Variants in TSPAN5 observed in about 807,000 individuals in gnomAD.
TSPAN5 encodes the protein tetraspanin 5.
TSPAN5 carries 10 observed loss-of-function variants against 37.1 expected under a neutral mutation model. That is an observed-to-expected ratio of 0.27 (90% CI 0.17 to 0.46). The LOEUF is 0.46. TSPAN5 is among the 20% of genes least tolerant of loss of function. The pLI is 1.00. For missense variants in TSPAN5, 195 were observed against 326.6 expected (o/e 0.60, Z 3.11); for synonymous variants, 110 against 118.9 (o/e 0.93, Z 0.48).
intron 1 of TSPAN5, among the ~76,000 whole-genome samples, chr4:98,538,285 G>T (rs1198128638): frequency 6.6e-6 from 1 of 152,224 alleles, no homozygotes; most frequent in Non-Finnish European, 1.5e-5. Flanking sequence ...TGTTCTGCCT[G>T]CTCCTCACTC....
rs111575981 is a variant in TSPAN5, at chr4:98,480,541, T to C, written c.450+1464A>G. ...TTCTCTGAGTTAAATAAATATCAAGTCTCAACCATTTGAAGACCTTCCGGA... is the reference window on the plus strand; with the variant it reads ...TTCTCTGAGTTAAATAAATATCAAGCCTCAACCATTTGAAGACCTTCCGGA... On this transcript the variant is annotated intron_variant, in intron 4 of 7. Coordinates refer to ENST00000305798, the MANE Select transcript of TSPAN5 (RefSeq NM_005723.4). 3.4e-3 allele frequency among the ~76,000 whole-genome samples: 525 copies of C among 152,304 alleles called. 4 individuals are homozygous for C. Among genetic ancestry groups the C allele is most frequent in the African/African-American group, 0.012 (503 of 41,564 alleles).
chr4:98,639,712 T>C (rs1459947945), intron 1 of TSPAN5, among the ~76,000 whole-genome samples: 1 of 152,176 alleles, frequency 6.6e-6, no homozygotes, highest in Non-Finnish European at 1.5e-5. Context: ...CCAACCCAGC[T>C]TTTGCTTCTT....
intron 1 of TSPAN5, among the ~76,000 whole-genome samples, chr4:98,553,020 C>A (rs1381166244): frequency 6.6e-6 from 1 of 152,154 alleles, no homozygotes; most frequent in Non-Finnish European, 1.5e-5. Context: ...ATGACTGGCC[C>A]ATTTACTATT....
At chr4:98,656,230 A>C (rs1261641762) in intron 1 of TSPAN5, among the ~76,000 whole-genome samples, 1 of 152,112 alleles carries the variant, frequency 6.6e-6, no homozygotes, top group Non-Finnish European at 1.5e-5. Flanking sequence ...GTCTCTATGC[A>C]CTCCACAGAA....
intron 2 of TSPAN5, among the ~76,000 whole-genome samples, chr4:98,498,551 C>A (rs1297136495): frequency 6.6e-6 from 1 of 152,172 alleles, no homozygotes; most frequent in African/African-American, 2.4e-5. Flanking sequence ...CTTTTGTGCG[C>A]CTCGGTGAAA....
chr4:98,524,292 G>A (rs953543406), intron 1 of TSPAN5, among the ~76,000 whole-genome samples: 4 of 152,130 alleles, frequency 2.6e-5, no homozygotes, highest in Admixed American at 6.5e-5. Flanking sequence ...AGAGAGGGTC[G>A]CCATGGGAAA....
intron 1 of TSPAN5, among the ~76,000 whole-genome samples, chr4:98,584,644 C>T (rs536079854): frequency 5.9e-5 from 9 of 152,298 alleles, no homozygotes; most frequent in Admixed American, 3.9e-4. Context: ...CATTTCCTTG[C>T]TAAAAGTCTC....
At chr4:98,570,842 C>G (rs1233787165) in intron 1 of TSPAN5, among the ~76,000 whole-genome samples, 1 of 152,094 alleles carries the variant, frequency 6.6e-6, no homozygotes, top group African/African-American at 2.4e-5. Flanking sequence ...GCACCTCCTA[C>G]AGACCTGAGC....
intron 1 of TSPAN5, among the ~76,000 whole-genome samples, chr4:98,592,427 T>C (rs1216280732): frequency 1.0e-5 from 1 of 96,884 alleles, no homozygotes; most frequent in Non-Finnish European, 2.0e-5. Context: ...CTCTGTTTTT[T>C]GTTTTTTTTT....
chr4:98,592,430 T>TTG (rs1553916140), intron 1 of TSPAN5, among the ~76,000 whole-genome samples: 5 of 35,156 alleles, frequency 1.4e-4, no homozygotes, highest in Non-Finnish European at 3.2e-4. Context: ...TGTTTTTTGT[T>TTG]TTTTTTTTTT....
At chr4:98,483,479 G>A (rs1752891563) in intron 3 of TSPAN5, 1 of 152,262 alleles carries the variant, frequency 6.6e-6, no homozygotes, top group African/African-American at 2.4e-5. Context: ...AAACAAGGAT[G>A]AGTAAGAACA....
intron 1 of TSPAN5, among the ~76,000 whole-genome samples, chr4:98,584,134 T>A (rs1424547029): frequency 6.6e-6 from 1 of 152,128 alleles, no homozygotes; most frequent in Non-Finnish European, 1.5e-5. Context: ...AGAGATGCGG[T>A]CTTTCTTTGT....
intron 1 of TSPAN5, among the ~76,000 whole-genome samples, chr4:98,535,675 AAC>A: frequency 6.6e-6 from 1 of 152,100 alleles, no homozygotes; most frequent in Non-Finnish European, 1.5e-5. Flanking sequence ...ACACCAATCA[AAC>A]ACAGATTTGG....
intron 1 of TSPAN5, among the ~76,000 whole-genome samples, chr4:98,542,305 G>A (rs1356745486): frequency 6.6e-6 from 1 of 152,128 alleles, no homozygotes; most frequent in African/African-American, 2.4e-5. Context: ...AAATCTTTTT[G>A]TGCCAAGTGT....
chr4:98,486,670 TAG>T (rs1752966026), intron 3 of TSPAN5, 66 bp downstream of exon 3: 2 of 1,580,734 alleles, frequency 1.3e-6, no homozygotes, highest in Non-Finnish European at 1.7e-6. Context: ...TGCCTGTAGA[TAG>T]GGTGACCTCC....
intron 1 of TSPAN5, among the ~76,000 whole-genome samples, chr4:98,521,976 T>C (rs7667608): frequency 0.21 from 32,269 of 152,166 alleles, 3,554 homozygotes; most frequent in South Asian, 0.25. Flanking sequence ...CATTCTTTCA[T>C]TTTAAAGTGT....
intron 1 of TSPAN5, among the ~76,000 whole-genome samples, chr4:98,583,409 C>T (rs1755412846): frequency 6.6e-6 from 1 of 151,630 alleles, no homozygotes; most frequent in Admixed American, 6.6e-5. Context: ...CCTCCCTCCT[C>T]CCACCCTCCA....
At chr4:98,655,119 G>A (rs147699342) in intron 1 of TSPAN5, among the ~76,000 whole-genome samples, 10 of 152,212 alleles carry the variant, frequency 6.6e-5, no homozygotes, top group African/African-American at 2.2e-4. Context: ...TGCTGGGATC[G>A]CAGGCGTGAG....
rs139877943 is a variant in TSPAN5 at position 98,608,680 on chromosome 4, A to C, written c.81+49466T>G. Among the ~76,000 whole-genome samples, 182 of 152,300 alleles carry C rather than the reference A, an allele frequency of 1.2e-3. 1 individual carries two copies. Among genetic ancestry groups the C allele is most frequent in the African/African-American group, 4.1e-3 (172 of 41,562 alleles). On this transcript the variant is annotated intron_variant, in intron 1 of 7. Coordinates refer to ENST00000305798, the MANE Select transcript of TSPAN5 (RefSeq NM_005723.4). Reference sequence around the variant, plus strand: ...GGAAAAAGAAAAAAAAAGAAAATCCACAACATGTTGCCACTGTTAGGGGGG... The same window carrying C: ...GGAAAAAGAAAAAAAAAGAAAATCCCCAACATGTTGCCACTGTTAGGGGGG...
Sources: gnomAD v4.1 joint callset for allele counts (sites outside exome capture counted in the v4.1 genomes callset) on GRCh38, gnomAD v4.1.1 for gene constraint, MANE v1.5 for transcripts, NCBI Gene and HGNC (gene_info 2026-07-23, HGNC 2026-07-21) for gene names.